The following NKIRAS2 variants were observed in gnomAD, a reference collection of about 807,000 sequenced individuals.
NKIRAS2 encodes NFKB inhibitor interacting Ras like 2.
A neutral mutation model predicts 20.7 loss-of-function variants in NKIRAS2; 15 were observed. That is an observed-to-expected ratio of 0.73 (90% CI 0.49 to 1.12). NKIRAS2 has a LOEUF of 1.12. NKIRAS2 is among the 50% of genes most tolerant of loss of function. NKIRAS2 has a pLI of 0.00. For missense variants in NKIRAS2, 196 were observed against 249.6 expected (o/e 0.79, Z 1.45); for synonymous variants, 116 against 101.4 (o/e 1.14, Z -0.87).
upstream of NKIRAS2, chr17:42,017,745 T>A (rs1311669152): frequency 2.4e-5 from 10 of 416,704 alleles, no homozygotes; most frequent in African/African-American, 2.1e-4. Context: ...CAACTTCCAA[T>A]CCTAGAGAGT....
chr17:42,022,846 AG>A (rs2052490971), intron 3 of NKIRAS2, among the ~76,000 whole-genome samples: 1 of 152,232 alleles, frequency 6.6e-6, no homozygotes, highest in Admixed American at 6.5e-5. Context: ...TTGTGGTTTA[AG>A]GGGTCCCTGA....
chr17:42,018,568 T>G (rs2052368585), upstream of NKIRAS2: 1 of 151,494 alleles, frequency 6.6e-6, no homozygotes, highest in African/African-American at 2.4e-5. Context: ...AAAGGAGGGG[T>G]CATTCGTTGA....
chr17:42,024,268 TC>T lies in NKIRAS2; in HGVS notation c.*378del, dbSNP rs1416325337. 4.3e-5 allele frequency: 12 copies of T among 279,606 alleles called. No homozygotes were observed. In the Middle Eastern group the frequency reaches 5.2e-3, roughly 122 times the overall value. 17.3% of individuals were successfully genotyped at this position (279,606 alleles called of 1,614,324 possible). The stretch of plus-strand genomic sequence containing the variant: ...AGGTAGGGGCCCCACCCTCTGGGCT[TC>T]CCATCAGCGACACACACACACTTAT... On this transcript the variant is annotated 3_prime_UTR_variant, in exon 4 of 4. Transcript: ENST00000393885.
Position 42,024,068 on chromosome 17 carries a change from C to G in NKIRAS2, c.*175C>G. The G allele has an allele frequency of 3.1e-6, 3 of 974,042 alleles. No individual in the cohort carries two copies. The highest frequency in any genetic ancestry group is 2.9e-6 in the Non-Finnish European group (2 of 680,740). The allele number at this position is 974,042 out of a possible 1,614,324, so 60.3% of individuals were successfully genotyped here. ...CTCACCTCTGGGAAGTGCAAATACT[C>G]TTGGTTGACATCCCCTTCCTCAGCC... On this transcript the variant is annotated 3_prime_UTR_variant, in exon 4 of 4. Coordinates refer to ENST00000393885, the MANE Select transcript of NKIRAS2 (RefSeq NM_017595.6).
At chr17:42,017,673 A>G (rs1463016795), upstream of NKIRAS2, 2 of 580,190 alleles carry the variant, frequency 3.4e-6, no homozygotes, top group Non-Finnish European at 6.1e-6. Context: ...GGCGGGGTGT[A>G]CCGGTGGTAG....
In NKIRAS2 at chr17:42,025,471, A is replaced by G. The variant is rs2052554957; in HGVS notation, c.*1578A>G. ...CTAAGGTGCACACCTAGCCTAGGTG[A>G]GACACTGCAGCCAGGCAACCACCGA... is the stretch of plus-strand genomic sequence containing the variant. On this transcript the variant is annotated 3_prime_UTR_variant, in exon 4 of 4. Transcript: ENST00000393885. The G allele has an allele frequency of 5.3e-5, 8 of 152,106 alleles. No individual in the cohort carries two copies. 9.4% of individuals were successfully genotyped at this position (152,106 alleles called of 1,614,324 possible).
At chr17:42,022,813 T>C (rs1338207616) in intron 3 of NKIRAS2, among the ~76,000 whole-genome samples, 173 bp downstream of exon 3, 1 of 151,762 alleles carries the variant, frequency 6.6e-6, no homozygotes, top group Admixed American at 6.6e-5. Flanking sequence ...GCATGTTGAG[T>C]CTGCTCAACA....
In NKIRAS2 at chr17:42,021,594, A is replaced by G. The variant is rs782207749; in HGVS notation, c.17A>G (p.Lys6Arg). The G allele has an allele frequency of 2.5e-6, 4 of 1,614,150 alleles. No homozygotes were observed. The highest frequency in any genetic ancestry group is 2.2e-5 in the East Asian group (1 of 44,888). The change falls in exon 2 of 4, where the codon AAG becomes AGG. Residue 6 changes from lysine to arginine, a missense_variant. Lys to Arg is a conservative substitution (Grantham distance 26). Coordinates refer to ENST00000393885, the MANE Select transcript of NKIRAS2 (RefSeq NM_017595.6). ...AAACTAAGCATGGGGAAGAGCTGCA[A>G]GGTGGTCGTGTGTGGCCAGGCGTCT... MGKSC[K>R]VVVCGQASVG...
At chr17:42,019,446 C>G (rs1555652623), upstream of NKIRAS2, among the ~76,000 whole-genome samples, 1 of 152,186 alleles carries the variant, frequency 6.6e-6, no homozygotes. Context: ...CCATTGCCGT[C>G]AATTTGATCT....
intron 2 of NKIRAS2, chr17:42,022,021 C>T (rs112627551): frequency 3.5e-5 from 18 of 520,046 alleles, no homozygotes; most frequent in Middle Eastern, 5.8e-4. Context: ...ACCAGCCTAA[C>T]GAACTTGGAG....
upstream of NKIRAS2, among the ~76,000 whole-genome samples, chr17:42,018,112 T>G: frequency 6.6e-6 from 1 of 152,116 alleles, no homozygotes; most frequent in East Asian, 1.9e-4. Context: ...AGCTGACACA[T>G]GGCGCCCCAG....
At chr17:42,018,468 A>G (rs1359131963), upstream of NKIRAS2, 2 of 152,246 alleles carry the variant, frequency 1.3e-5, no homozygotes, top group Non-Finnish European at 1.5e-5. Flanking sequence ...GCATGTGCCA[A>G]TGCTCATACT....
intron 3 of NKIRAS2, 87 bp from the exon 4 acceptor site, chr17:42,023,567 T>C (rs368644799): frequency 4.1e-6 from 5 of 1,225,358 alleles, no homozygotes; most frequent in East Asian, 2.3e-5. Flanking sequence ...TTTCCTCTCA[T>C]AGAACTCCTA....
upstream of NKIRAS2, among the ~76,000 whole-genome samples, chr17:42,019,733 A>G (rs2052394684): frequency 6.6e-6 from 1 of 152,184 alleles, no homozygotes; most frequent in Non-Finnish European, 1.5e-5. Context: ...GTGAGTTCTG[A>G]TGGGCAGCCA....
rs1598171480 is a variant in NKIRAS2 at position 42,022,779 on chromosome 17, G to T, written c.336+139G>T. ...AGAGGTGGGGTGGAGGCCACTGAGGGTATCTTTACCCTCAGGATTGGCTGC... is the reference window on the plus strand; with the variant it reads ...AGAGGTGGGGTGGAGGCCACTGAGGTTATCTTTACCCTCAGGATTGGCTGC... On this transcript the variant is annotated intron_variant, in intron 3 of 3. Transcript: ENST00000393885. 7 of 1,048,356 alleles carry T rather than the reference G, an allele frequency of 6.7e-6. No individual in the cohort carries two copies. The African/African-American group carries it at 8.0e-5, about 12-fold the overall frequency. The allele number at this position is 1,048,356 out of a possible 1,614,324, so 64.9% of individuals were successfully genotyped here. A position where few individuals can be genotyped will look rare whatever the true frequency, so the allele number is the denominator to read the frequency against.
At chr17:42,018,763 C>G (rs1264275269), upstream of NKIRAS2, among the ~76,000 whole-genome samples, 1 of 152,204 alleles carries the variant, frequency 6.6e-6, no homozygotes, top group African/African-American at 2.4e-5. Context: ...AGCTTTACTT[C>G]CATCTGTTGA....
At chr17:42,022,225 T>A in intron 2 of NKIRAS2, 174 bp from the exon 3 acceptor site, 1 of 661,722 alleles carries the variant, frequency 1.5e-6, no homozygotes, top group Non-Finnish European at 2.5e-6. Flanking sequence ...AAGAAAGAAA[T>A]TAATGTTCGT....
At position 42,023,301 on chromosome 17, in the gene NKIRAS2, G is replaced by A. The variant is rs550400381; in HGVS notation, c.337-353G>A. ...GGCGTAAGCCACTGCATCTGGCCACGAAGGCCCTTCTGTTCTCCAGAATCC... is the reference window on the plus strand; with the variant it reads ...GGCGTAAGCCACTGCATCTGGCCACAAAGGCCCTTCTGTTCTCCAGAATCC... On this transcript the variant is annotated intron_variant, in intron 3 of 3. Coordinates refer to ENST00000393885, the MANE Select transcript of NKIRAS2 (RefSeq NM_017595.6). Among the ~76,000 whole-genome samples the A allele has an allele frequency of 6.5e-4, 99 of 152,304 alleles. 1 individual carries two copies. Among genetic ancestry groups the A allele is most frequent in the African/African-American group, 2.2e-3 (90 of 41,562 alleles).
At position 42,024,774 on chromosome 17, in the gene NKIRAS2, G is replaced by GA. The variant is rs782532908; in HGVS notation, c.*883dup. The GA allele has an allele frequency of 2.9e-3, 146 of 50,278 alleles. 1 individual carries two copies. Among genetic ancestry groups the GA allele is most frequent in the African/African-American group, 5.9e-3 (120 of 20,428 alleles). 3.1% of individuals were successfully genotyped at this position (50,278 alleles called of 1,614,324 possible). On this transcript the variant is annotated 3_prime_UTR_variant, in exon 4 of 4. Transcript: ENST00000393885. Reference sequence around the variant, plus strand: ...GGTCAACAGAGCAAGACTCCATCTCGAAGAAAAAAAAAAAAAATTCCCCAC... The same window carrying GA: ...GGTCAACAGAGCAAGACTCCATCTCGAAAGAAAAAAAAAAAAAATTCCCCAC...
Sources: gnomAD v4.1 joint callset for allele counts (sites outside exome capture counted in the v4.1 genomes callset) on GRCh38, gnomAD v4.1.1 for gene constraint, MANE v1.5 for transcripts, NCBI Gene and HGNC (gene_info 2026-07-23, HGNC 2026-07-21) for gene names.